Variants in XKR4 observed in about 807,000 individuals in gnomAD.
The protein encoded by XKR4 is XK related 4.
Under a neutral mutation model 53.9 loss-of-function variants are expected in XKR4, and 12 were observed. The ratio of observed to expected loss-of-function variants is 0.22; its 90% CI spans 0.14 to 0.36. The LOEUF (loss-of-function observed/expected upper bound fraction) is 0.36. Ranked by LOEUF, XKR4 falls within the 10% of genes least tolerant of loss-of-function variation. The pLI, the probability that XKR4 is intolerant of heterozygous loss-of-function variation, is 1.00. For missense variants in XKR4, 799 were observed against 859.5 expected (o/e 0.93, Z 0.88); for synonymous variants, 354 against 362.4 (o/e 0.98, Z 0.26).
At chr8:55,429,315 C>T (rs1805064177) in intron 2 of XKR4, among the ~76,000 whole-genome samples, 3 of 152,130 alleles carry the variant, frequency 2.0e-5, no homozygotes, top group Middle Eastern at 6.8e-3. Flanking sequence ...CATAAAACTA[C>T]AAAACCTTTA....
intron 1 of XKR4, among the ~76,000 whole-genome samples, chr8:55,324,034 T>C (rs1324193672): frequency 2.0e-5 from 3 of 152,228 alleles, no homozygotes; most frequent in African/African-American, 4.8e-5. Flanking sequence ...TATAGTACAG[T>C]TATAATAGTC....
intron 1 of XKR4, among the ~76,000 whole-genome samples, chr8:55,289,646 A>AAAGGAAGGAAGGAAGG (rs770482436): frequency 1.1e-3 from 94 of 87,016 alleles, no homozygotes; most frequent in African/African-American, 5.1e-3. Flanking sequence ...AGAAAGAAAG[A>AAAGGAAGGAAGGAAGG]AAGGAAGGAA....
intron 1 of XKR4, among the ~76,000 whole-genome samples, chr8:55,350,738 C>CTTTTTTTTTTTTTTTT (rs1028164969): frequency 4.5e-4 from 55 of 122,404 alleles, no homozygotes; most frequent in East Asian, 1.1e-3. Flanking sequence ...TTTTTCTTTT[C>CTTTTTTTTTTTTTTTT]TTTTTTTTTT....
chr8:55,466,776 A>G (rs912829207), intron 2 of XKR4, among the ~76,000 whole-genome samples: 2 of 152,114 alleles, frequency 1.3e-5, no homozygotes, highest in African/African-American at 4.8e-5. Context: ...TTGGAGTTTT[A>G]GGTTGTTTCT....
chr8:55,143,715 A>C (rs1295121299), intron 1 of XKR4, among the ~76,000 whole-genome samples: 2 of 152,218 alleles, frequency 1.3e-5, no homozygotes, highest in Non-Finnish European at 2.9e-5. Context: ...ACAGTCAGGA[A>C]AGGATGTGCC....
intron 1 of XKR4, among the ~76,000 whole-genome samples, chr8:55,321,892 G>A (rs768364962): frequency 6.6e-6 from 1 of 152,202 alleles, no homozygotes; most frequent in Non-Finnish European, 1.5e-5. Flanking sequence ...GAGAGGCTGA[G>A]GCAGGAGAAT....
rs796321076 is a variant in XKR4 at position 55,348,691 on chromosome 8, T to TACACACAC, written c.807-8963_807-8956dup. Among the ~76,000 whole-genome samples, 108 of 136,218 alleles carry TACACACAC rather than the reference T, an allele frequency of 7.9e-4. 1 individual carries two copies. The highest frequency in any genetic ancestry group is 2.6e-3 in the African/African-American group (97 of 37,510). 89.4% of individuals were successfully genotyped at this position (136,218 alleles called of 152,430 possible). A position where few individuals can be genotyped will look rare whatever the true frequency, so the allele number is the denominator to read the frequency against. ...AGAGGGAGAGAGAGACAGACAAACATACACACACACACACACACACACACA... is the reference window on the plus strand; with the variant it reads ...AGAGGGAGAGAGAGACAGACAAACATACACACACACACACACACACACACACACACACA... On this transcript the variant is annotated intron_variant, in intron 1 of 2. Transcript: ENST00000327381.
chr8:55,201,927 G>T (rs1192828658), intron 1 of XKR4, among the ~76,000 whole-genome samples: 1 of 152,174 alleles, frequency 6.6e-6, no homozygotes, highest in Non-Finnish European at 1.5e-5. Context: ...ATTAAATCAG[G>T]TGTCCTCTAT....
chr8:55,439,403 G>A (rs895151660), intron 2 of XKR4, among the ~76,000 whole-genome samples: 1 of 152,022 alleles, frequency 6.6e-6, no homozygotes, highest in South Asian at 2.1e-4. Flanking sequence ...CACCATGAGT[G>A]TGAGGCAGAA....
chr8:55,427,387 T>A (rs1239341541), intron 2 of XKR4, among the ~76,000 whole-genome samples: 2 of 152,176 alleles, frequency 1.3e-5, no homozygotes, highest in Non-Finnish European at 2.9e-5. Context: ...AAAAAAATTT[T>A]TTTAATAGAG....
chr8:55,125,279 G>A (rs1816448874), intron 1 of XKR4, among the ~76,000 whole-genome samples: 1 of 152,150 alleles, frequency 6.6e-6, no homozygotes, highest in African/African-American at 2.4e-5. Context: ...CACCCAGGCT[G>A]GAGTGTAGTG....
intron 1 of XKR4, among the ~76,000 whole-genome samples, chr8:55,255,293 G>A (rs930329926): frequency 6.6e-5 from 10 of 152,064 alleles, no homozygotes; most frequent in African/African-American, 2.4e-4. Context: ...CCTACAGTCA[G>A]AAATAAAGAA....
intron 1 of XKR4, among the ~76,000 whole-genome samples, chr8:55,289,253 C>T (rs547821299): frequency 9.9e-5 from 15 of 152,068 alleles, no homozygotes; most frequent in Admixed American, 3.3e-4. Context: ...AGGTGGCTCA[C>T]GCCTGCAATC....
intron 1 of XKR4, among the ~76,000 whole-genome samples, chr8:55,327,061 C>G (rs774570982): frequency 6.6e-6 from 1 of 152,064 alleles, no homozygotes; most frequent in Non-Finnish European, 1.5e-5. Flanking sequence ...CACTTAAGAT[C>G]GTTGCAAGGC....
At chr8:55,229,868 CTTTTTT>C (rs5891563) in intron 1 of XKR4, among the ~76,000 whole-genome samples, 1 of 140,320 alleles carries the variant, frequency 7.1e-6, no homozygotes. Flanking sequence ...AGTTAATTAG[CTTTTTT>C]TTTTTTTTTT....
At chr8:55,476,961 TG>T (rs1432198459) in intron 2 of XKR4, among the ~76,000 whole-genome samples, 1 of 152,104 alleles carries the variant, frequency 6.6e-6, no homozygotes, top group African/African-American at 2.4e-5. Flanking sequence ...AGTCCACCTC[TG>T]GGGGCAGGGC....
chr8:55,443,506 T>C (rs1288068132), intron 2 of XKR4, among the ~76,000 whole-genome samples: 9 of 142,364 alleles, frequency 6.3e-5, no homozygotes, highest in Non-Finnish European at 1.2e-4. Context: ...TACTGTTTGT[T>C]TGTAGATTTA....
At chr8:55,267,673 T>A (rs1223665695) in intron 1 of XKR4, among the ~76,000 whole-genome samples, 1 of 112,626 alleles carries the variant, frequency 8.9e-6, no homozygotes, top group Non-Finnish European at 2.2e-5. Flanking sequence ...CCTATTATCT[T>A]TTTTTTCATT....
At chr8:55,352,700 G>T (rs935830088) in intron 1 of XKR4, among the ~76,000 whole-genome samples, 5 of 152,152 alleles carry the variant, frequency 3.3e-5, no homozygotes, top group East Asian at 1.9e-4. Context: ...CTATGTGATT[G>T]GTACTGTGAT....
Sources: allele counts gnomAD v4.1 joint callset (sites outside exome capture counted in the v4.1 genomes callset), GRCh38; gene constraint gnomAD v4.1.1; transcripts MANE v1.5; gene names NCBI Gene and HGNC (gene_info 2026-07-23, HGNC 2026-07-21).